GOLGA7B: variants seen among roughly 807,000 people sequenced by gnomAD.
GOLGA7B encodes the protein golgin A7 family member B, also known as golgin subfamily A member 7B.
Under a neutral mutation model 21.5 loss-of-function variants are expected in GOLGA7B, and 17 were observed. The ratio of observed to expected loss-of-function variants is 0.79; its 90% CI spans 0.54 to 1.19. The LOEUF is 1.19. GOLGA7B is among the 50% of genes most tolerant of loss of function. GOLGA7B has a pLI of 0.00. For synonymous variants in GOLGA7B, 87 were observed against 84.0 expected, an observed-to-expected ratio of 1.04 and a Z score of -0.19; for missense variants, 169 against 224.4, an observed-to-expected ratio of 0.75 and a Z score of 1.58.
rs2050063314 is a variant in GOLGA7B, at chr10:97,869,229, G to A, written c.*3529G>A. ...CTCCACTTCCAGGGCATCACGGGAG[G>A]GTGCATGGGCTGTGCTCGCAGGCAT... On this transcript the variant is annotated 3_prime_UTR_variant, in exon 5 of 5. Coordinates refer to ENST00000370602, the MANE Select transcript of GOLGA7B (RefSeq NM_001010917.3). 1 of 152,318 alleles carries A rather than the reference G, an allele frequency of 6.6e-6. No homozygotes were observed. The highest frequency in any genetic ancestry group is 6.5e-5 in the Admixed American group (1 of 15,290). The allele number at this position is 152,318 out of a possible 1,614,324, so 9.4% of individuals were successfully genotyped here.
At chr10:97,855,356 TC>T (rs1345260239) in intron 1 of GOLGA7B, among the ~76,000 whole-genome samples, 2 of 152,322 alleles carry the variant, frequency 1.3e-5, no homozygotes, top group East Asian at 3.9e-4. Context: ...TCCAGAGGCA[TC>T]ACATTGCCTG....
chr10:97,852,283 G>A (rs993700441), intron 1 of GOLGA7B, among the ~76,000 whole-genome samples: 1 of 152,152 alleles, frequency 6.6e-6, no homozygotes, highest in African/African-American at 2.4e-5. Context: ...GTGAAGCTTT[G>A]GTGGAGAGAG....
intron 2 of GOLGA7B, 120 bp from the exon 3 acceptor site, chr10:97,863,810 C>G: frequency 9.0e-7 from 1 of 1,114,576 alleles, no homozygotes; most frequent in Non-Finnish European, 1.3e-6. Context: ...TTGGTCTTGC[C>G]TGTGTGCCAA....
At position 97,866,051 on chromosome 10, in the gene GOLGA7B, G is replaced by A. The variant is rs1336212330; in HGVS notation, c.*351G>A. On this transcript the variant is annotated 3_prime_UTR_variant, in exon 5 of 5. Coordinates refer to ENST00000370602, the MANE Select transcript of GOLGA7B (RefSeq NM_001010917.3). ...CCCCTCTCCCAACCCTGCGAGGGGGGCCGAGGCCTGCCACATAGAGGACTC... is the reference window on the plus strand; with the variant it reads ...CCCCTCTCCCAACCCTGCGAGGGGGACCGAGGCCTGCCACATAGAGGACTC... The A allele has an allele frequency of 3.7e-5, 11 of 300,128 alleles. No individual in the cohort carries two copies. The highest frequency in any genetic ancestry group is 6.2e-5 in the Non-Finnish European group (10 of 160,916). The allele number at this position is 300,128 out of a possible 1,614,324, so 18.6% of individuals were successfully genotyped here.
chr10:97,859,899 C>T (rs2049959857), intron 2 of GOLGA7B, among the ~76,000 whole-genome samples: 1 of 152,162 alleles, frequency 6.6e-6, no homozygotes, highest in Non-Finnish European at 1.5e-5. Context: ...CTGGATGATA[C>T]AGGTGTTGTC....
chr10:97,866,251 T>A lies in GOLGA7B; in HGVS notation c.*551T>A, dbSNP rs1053972781. The stretch of plus-strand genomic sequence containing the variant: ...AGGTGTGGGGAGACGGGTGCCGTGG[T>A]TGGGAGCTGTTCAGCGCACTCCTGA... On this transcript the variant is annotated 3_prime_UTR_variant, in exon 5 of 5. Coordinates refer to ENST00000370602, the MANE Select transcript of GOLGA7B (RefSeq NM_001010917.3). The A allele has an allele frequency of 6.5e-6, 1 of 153,398 alleles. No individual in the cohort carries two copies. Among genetic ancestry groups the A allele is most frequent in the African/African-American group, 2.4e-5 (1 of 41,478 alleles). 9.5% of individuals were successfully genotyped at this position (153,398 alleles called of 1,614,324 possible). A position where few individuals can be genotyped will look rare whatever the true frequency, so the allele number is the denominator to read the frequency against.
In GOLGA7B at chr10:97,850,311, C is replaced by T; in HGVS notation, c.8C>T (p.Thr3Ile). Residue 3 changes from threonine to isoleucine, a missense_variant, in exon 1 of 5, where the codon ACC (threonine) becomes ATC (isoleucine). By Grantham distance (89) the Thr-to-Ile change is moderately conservative. Coordinates refer to ENST00000370602, the MANE Select transcript of GOLGA7B (RefSeq NM_001010917.3). ...TCCGAGCGCCCCCGGATCATGGCCACCGAGGTAGGGGCGAGCGCCCCACCC... is the reference window on the plus strand; with the variant it reads ...TCCGAGCGCCCCCGGATCATGGCCATCGAGGTAGGGGCGAGCGCCCCACCC... MATEVHNLQELRR... is the reference protein window; with the variant it reads MAIEVHNLQELRR... 1.3e-6 allele frequency: 2 copies of T among 1,519,292 alleles called. No homozygotes were observed. Among genetic ancestry groups the T allele is most frequent in the Non-Finnish European group, 1.8e-6 (2 of 1,135,754 alleles). 94.1% of individuals were successfully genotyped at this position (1,519,292 alleles called of 1,614,324 possible).
In GOLGA7B at chr10:97,870,897, C is replaced by T. The variant is rs1391703184; in HGVS notation, c.*5197C>T. 3.3e-5 allele frequency: 5 copies of T among 152,046 alleles called. No homozygotes were observed. Among genetic ancestry groups the T allele is most frequent in the African/African-American group, 7.3e-5 (3 of 41,364 alleles). 9.4% of individuals were successfully genotyped at this position (152,046 alleles called of 1,614,324 possible). A position where few individuals can be genotyped will look rare whatever the true frequency, so the allele number is the denominator to read the frequency against. On this transcript the variant is annotated 3_prime_UTR_variant, in exon 5 of 5. Coordinates refer to ENST00000370602, the MANE Select transcript of GOLGA7B (RefSeq NM_001010917.3). ...CTGCATTCAGGTGCATATTATGTGC[C>T]GTTATCTGAGGAGAGCATCTACAGC... is the stretch of plus-strand genomic sequence containing the variant.
intron 1 of GOLGA7B, among the ~76,000 whole-genome samples, chr10:97,859,041 C>A (rs1341608373): frequency 6.6e-6 from 1 of 152,198 alleles, no homozygotes; most frequent in Non-Finnish European, 1.5e-5. Context: ...TCAACTTTGG[C>A]CCTGCTTTAG....
Position 97,871,207 on chromosome 10 carries a change from C to T in GOLGA7B, c.*5507C>T, listed in dbSNP as rs898708428. ...ATGTTCAAAGGGCCTGTCATTTCAG[C>T]ATCTGCTGGACAGCAGAACTTCGCA... On this transcript the variant is annotated 3_prime_UTR_variant, in exon 5 of 5. Coordinates refer to ENST00000370602, the MANE Select transcript of GOLGA7B (RefSeq NM_001010917.3). 3 of 152,222 alleles carry T rather than the reference C, an allele frequency of 2.0e-5. No homozygotes were observed. Among genetic ancestry groups the T allele is most frequent in the African/African-American group, 7.2e-5 (3 of 41,462 alleles). The allele number at this position is 152,222 out of a possible 1,614,324, so 9.4% of individuals were successfully genotyped here. A position where few individuals can be genotyped will look rare whatever the true frequency, so the allele number is the denominator to read the frequency against.
intron 2 of GOLGA7B, among the ~76,000 whole-genome samples, chr10:97,860,808 A>C (rs568381852): frequency 1.3e-5 from 2 of 152,296 alleles, no homozygotes; most frequent in African/African-American, 4.8e-5. Flanking sequence ...CCTTAGAGGC[A>C]CCTGGGAACT....
At chr10:97,859,717 G>A in intron 2 of GOLGA7B, 134 bp downstream of exon 2, 1 of 860,960 alleles carries the variant, frequency 1.2e-6, no homozygotes, top group Non-Finnish European at 1.7e-6. Context: ...ACTTCAAAAG[G>A]ATGAATTTTA....
At chr10:97,850,641 G>C (rs973080575) in intron 1 of GOLGA7B, among the ~76,000 whole-genome samples, 11 of 152,174 alleles carry the variant, frequency 7.2e-5, no homozygotes, top group African/African-American at 2.7e-4. Context: ...GGTTGGAGAC[G>C]CGTGTGTGTG....
chr10:97,860,102 T>G (rs965846699), intron 2 of GOLGA7B, among the ~76,000 whole-genome samples: 14 of 152,224 alleles, frequency 9.2e-5, no homozygotes, highest in Non-Finnish European at 2.9e-5. Flanking sequence ...TAAATCTTAA[T>G]TTTGAAATGA....
intron 1 of GOLGA7B, among the ~76,000 whole-genome samples, chr10:97,855,623 TC>T: frequency 6.6e-6 from 1 of 152,320 alleles, no homozygotes; most frequent in Non-Finnish European, 1.5e-5. Flanking sequence ...GGGGAGTCCA[TC>T]CTCAAGATTG....
chr10:97,853,770 G>A (rs1244936949), intron 1 of GOLGA7B, among the ~76,000 whole-genome samples: 1 of 152,148 alleles, frequency 6.6e-6, no homozygotes, highest in East Asian at 1.9e-4. Flanking sequence ...GATATCCTCT[G>A]GTAGGATTTC....
chr10:97,863,025 G>T (rs1344257865), intron 2 of GOLGA7B, among the ~76,000 whole-genome samples: 1 of 152,190 alleles, frequency 6.6e-6, no homozygotes. Flanking sequence ...AGCGGGCATT[G>T]TAAGGACTTC....
intron 4 of GOLGA7B, 48 bp downstream of exon 4, chr10:97,864,317 G>A (rs2049995349): frequency 6.6e-7 from 1 of 1,512,824 alleles, no homozygotes; most frequent in South Asian, 1.1e-5. Context: ...CTGCTAACCA[G>A]TAGAGATCCT....
At chr10:97,865,436 G>A in intron 4 of GOLGA7B, 154 bp from the exon 5 acceptor site, 1 of 1,318,430 alleles carries the variant, frequency 7.6e-7, no homozygotes, top group South Asian at 1.5e-5. Flanking sequence ...GGATGGGCTT[G>A]GGGAGGGTCT....
Sources: gnomAD v4.1 joint callset for allele counts (sites outside exome capture counted in the v4.1 genomes callset) on GRCh38, gnomAD v4.1.1 for gene constraint, MANE v1.5 for transcripts, NCBI Gene and HGNC (gene_info 2026-07-23, HGNC 2026-07-21) for gene names.